The following EPN2 variants were observed in gnomAD, a reference collection of about 807,000 sequenced individuals.
EPN2 encodes the protein epsin 2.
EPN2 carries 34 observed loss-of-function variants against 61.7 expected under a neutral mutation model. The observed-to-expected ratio is 0.55, with a 90% confidence interval of 0.42 to 0.73. The LOEUF is 0.73. Ranked by LOEUF, EPN2 falls within the 30% of genes least tolerant of loss-of-function variation. The probability of loss-of-function intolerance (pLI) is 0.00; values close to 1 mark genes in which losing one functional copy is unlikely to be tolerated. For synonymous variants in EPN2, 349 were observed against 353.6 expected, an observed-to-expected ratio of 0.99 and a Z score of 0.15; for missense variants, 714 against 839.2, an observed-to-expected ratio of 0.85 and a Z score of 1.84.
rs1907354370 is a variant in EPN2, at chr17:19,335,310, C to T, written c.*1056C>T. On this transcript the variant is annotated 3_prime_UTR_variant, in exon 11 of 11. Coordinates refer to ENST00000314728, the MANE Select transcript of EPN2 (RefSeq NM_014964.5). ...AGATCCTGAGAGGCTATTTTTCTTA[C>T]GAATATACCAACATCCTGAAAGTTA... The T allele has an allele frequency of 7.0e-6, 9 of 1,288,662 alleles. No individual in the cohort carries two copies. Among genetic ancestry groups the T allele is most frequent in the South Asian group, 1.6e-5 (1 of 64,508 alleles). The allele number at this position is 1,288,662 out of a possible 1,614,324, so 79.8% of individuals were successfully genotyped here. A position where few individuals can be genotyped will look rare whatever the true frequency, so the allele number is the denominator to read the frequency against.
rs1462453981 is a variant in EPN2, at chr17:19,285,363, G to A, written c.596-257G>A. Among the ~76,000 whole-genome samples the A allele has an allele frequency of 1.3e-5, 2 of 152,254 alleles. No individual in the cohort carries two copies. Among genetic ancestry groups the A allele is most frequent in the Non-Finnish European group, 2.9e-5 (2 of 68,052 alleles). On this transcript the variant is annotated intron_variant, in intron 3 of 10. Transcript: ENST00000314728. This position sits in a 1 kb window ranked among gnomAD's most constrained non-coding sequence, Gnocchi z 4.5. ...ACCCCTCCTCCTCATACCGAGTCCAGGGCCTGTAGCCATAGGTCCTGCTGG... is the reference window on the plus strand; with the variant it reads ...ACCCCTCCTCCTCATACCGAGTCCAAGGCCTGTAGCCATAGGTCCTGCTGG...
In EPN2 at chr17:19,285,511, G is replaced by A; in HGVS notation, c.596-109G>A. 1.5e-6 allele frequency: 2 copies of A among 1,347,504 alleles called. No homozygotes were observed. The highest frequency in any genetic ancestry group is 1.9e-6 in the Non-Finnish European group (2 of 1,045,860). The allele number at this position is 1,347,504 out of a possible 1,614,324, so 83.5% of individuals were successfully genotyped here. ...CTTTTCACAGCTTCCACCGCAGTGG[G>A]CTGCGGGGTTGACCCCGAGTGGCCT... On this transcript the variant is annotated intron_variant, in intron 3 of 10. Coordinates refer to ENST00000314728, the MANE Select transcript of EPN2 (RefSeq NM_014964.5). This position sits in a 1 kb window ranked among gnomAD's most constrained non-coding sequence, Gnocchi z 4.5.
At chr17:19,240,749 T>TA (rs1327973423) in intron 1 of EPN2, among the ~76,000 whole-genome samples, 1 of 152,216 alleles carries the variant, frequency 6.6e-6, no homozygotes, top group African/African-American at 2.4e-5. Context: ...CTGGTGCACT[T>TA]ACGACATTGT....
chr17:19,299,843 T>C (rs1423657894), intron 4 of EPN2, among the ~76,000 whole-genome samples: 7 of 152,340 alleles, frequency 4.6e-5, no homozygotes, highest in African/African-American at 1.7e-4. Context: ...AGCTTCCTCC[T>C]CTGTAAACTG....
At chr17:19,245,953 C>G (rs557824491) in intron 1 of EPN2, among the ~76,000 whole-genome samples, 1 of 152,002 alleles carries the variant, frequency 6.6e-6, no homozygotes, top group South Asian at 2.1e-4. Context: ...GCGTGAGCCA[C>G]CATGCCCGGC....
At chr17:19,238,432 C>T (rs566311464) in intron 1 of EPN2, among the ~76,000 whole-genome samples, 1 of 152,318 alleles carries the variant, frequency 6.6e-6, no homozygotes, top group East Asian at 1.9e-4. Context: ...AGCTTGAGCT[C>T]CCTGTGAATC....
intron 9 of EPN2, chr17:19,330,556 T>A (rs1665255261): frequency 1.3e-5 from 2 of 152,410 alleles, no homozygotes; most frequent in Non-Finnish European, 2.9e-5. Context: ...GAGAATGTGC[T>A]GCTTTTTTGG....
At chr17:19,316,657 A>G (rs568232904) in intron 7 of EPN2, among the ~76,000 whole-genome samples, 1 of 152,328 alleles carries the variant, frequency 6.6e-6, no homozygotes, top group East Asian at 1.9e-4. Flanking sequence ...TATTGTATAT[A>G]TAATTACGTG....
At chr17:19,275,773 G>A (rs919572333) in intron 1 of EPN2, among the ~76,000 whole-genome samples, 4 of 152,204 alleles carry the variant, frequency 2.6e-5, no homozygotes, top group Non-Finnish European at 4.4e-5. Context: ...GAATGGAAAT[G>A]AAATATTATT....
chr17:19,334,208 C>G lies in EPN2; in HGVS notation c.1880C>G (p.Pro627Arg). The G allele has an allele frequency of 6.5e-7, 1 of 1,529,530 alleles. No individual in the cohort carries two copies. The highest frequency in any genetic ancestry group is 8.9e-7 in the Non-Finnish European group (1 of 1,129,006). The allele number at this position is 1,529,530 out of a possible 1,614,324, so 94.7% of individuals were successfully genotyped here. The stretch of plus-strand genomic sequence containing the variant: ...ATGGTGGGCAGTGTGGGTATACCCC[C>G]ATCAGCAGCCCAGGCCACTGGCACA... Reference protein sequence around the residue: ...MNMVGSVGIPPSAAQATGTTN... With the variant: ...MNMVGSVGIPRSAAQATGTTN... The change falls in exon 11 of 11, where the codon CCA becomes CGA. Residue 627 changes from proline to arginine, a missense_variant. By Grantham distance (103) the Pro-to-Arg change is moderately radical. Coordinates refer to ENST00000314728, the MANE Select transcript of EPN2 (RefSeq NM_014964.5). The surrounding 1 kb of genome is among the most constrained non-coding windows in gnomAD (Gnocchi z 4.9).
rs550679961 is a variant in EPN2 at position 19,237,860 on chromosome 17, C to G, written c.-294+329C>G. Among the ~76,000 whole-genome samples, 4 of 152,290 alleles carry G rather than the reference C, an allele frequency of 2.6e-5. No individual in the cohort carries two copies. The South Asian group carries it at 6.2e-4, about 24-fold the overall frequency. On this transcript the variant is annotated intron_variant, in intron 1 of 10. Transcript: ENST00000314728. The stretch of plus-strand genomic sequence containing the variant: ...AGTCCAGGGCGCCCCTTACTCCTAC[C>G]TCGGATCCTGGAGCCCCGTTCATCT...
intron 1 of EPN2, among the ~76,000 whole-genome samples, chr17:19,277,786 G>C (rs1173253617): frequency 6.6e-6 from 1 of 152,092 alleles, no homozygotes. Flanking sequence ...AAAATGAAAA[G>C]CTTTGGCCGG....
Position 19,312,925 on chromosome 17 carries a change from T to A in EPN2, c.973-180T>A, listed in dbSNP as rs754569505. On this transcript the variant is annotated intron_variant, in intron 6 of 10. Transcript: ENST00000314728. ...CAAACAGTAAATAGCTTGTTGTGAC[T>A]GGAGAGCTGGCTGGACGGGGAGGGA... The A allele has an allele frequency of 5.8e-5, 37 of 633,652 alleles. 1 individual carries two copies. Among genetic ancestry groups the A allele is most frequent in the Non-Finnish European group, 9.6e-5 (35 of 363,880 alleles). 39.3% of individuals were successfully genotyped at this position (633,652 alleles called of 1,614,324 possible).
rs751013175 is a variant in EPN2 at position 19,283,029 on chromosome 17, G to A, written c.-91G>A. 52 of 860,744 alleles carry A rather than the reference G, an allele frequency of 6.0e-5. No homozygotes were observed. The highest frequency in any genetic ancestry group is 7.7e-5 in the Non-Finnish European group (43 of 560,978). 53.3% of individuals were successfully genotyped at this position (860,744 alleles called of 1,614,324 possible). A position where few individuals can be genotyped will look rare whatever the true frequency, so the allele number is the denominator to read the frequency against. On this transcript the variant is annotated 5_prime_UTR_variant, in exon 3 of 11. Coordinates refer to ENST00000314728, the MANE Select transcript of EPN2 (RefSeq NM_014964.5). The surrounding 1 kb of genome is among the most constrained non-coding windows in gnomAD (Gnocchi z 7.0). Reference sequence around the variant, plus strand: ...AGGGATCTTACTCCAGCTTGATTACGGAGACTGAACCTTCATAGGGTGCGC... The same window carrying A: ...AGGGATCTTACTCCAGCTTGATTACAGAGACTGAACCTTCATAGGGTGCGC...
intron 1 of EPN2, chr17:19,276,359 A>AT: frequency 2.4e-5 from 3 of 125,818 alleles, no homozygotes; most frequent in Non-Finnish European, 4.8e-5. Flanking sequence ...AGCTAATTAA[A>AT]ATTTTTTTTT....
At chr17:19,289,828 A>C (rs1322442030) in intron 4 of EPN2, among the ~76,000 whole-genome samples, 1 of 144,190 alleles carries the variant, frequency 6.9e-6, no homozygotes, top group Admixed American at 7.4e-5. Context: ...GCTGGCTTCA[A>C]GCTATTCTTC....
At chr17:19,281,627 C>A (rs573005466) in intron 1 of EPN2, among the ~76,000 whole-genome samples, 1 of 152,100 alleles carries the variant, frequency 6.6e-6, no homozygotes, top group Non-Finnish European at 1.5e-5. Context: ...AAGGGAGGCG[C>A]AGGTTCTGGG....
intron 1 of EPN2, among the ~76,000 whole-genome samples, chr17:19,240,002 A>G (rs1188198696): frequency 1.3e-5 from 2 of 151,522 alleles, no homozygotes; most frequent in East Asian, 3.9e-4. Flanking sequence ...TTTTAACTTT[A>G]ATTAGGAGGA....
intron 7 of EPN2, among the ~76,000 whole-genome samples, chr17:19,325,792 A>G (rs1906838866): frequency 6.6e-6 from 1 of 151,752 alleles, no homozygotes; most frequent in African/African-American, 2.4e-5. Flanking sequence ...AATAGTCATC[A>G]TTTGCAGGTG....
Sources: gnomAD v4.1 joint callset for allele counts (sites outside exome capture counted in the v4.1 genomes callset) on GRCh38, gnomAD v4.1.1 for gene constraint, Gnocchi (gnomAD v3.1) non-coding constraint, MANE v1.5 for transcripts, NCBI Gene and HGNC (gene_info 2026-07-23, HGNC 2026-07-21) for gene names.